Variants in DENND5B observed in about 807,000 individuals in gnomAD.
DENND5B encodes DENN domain containing 5B.
In DENND5B, 34 loss-of-function variants were observed where a neutral mutation model predicts 140.6. The ratio of observed to expected loss-of-function variants is 0.24; its 90% CI spans 0.18 to 0.32. DENND5B has a LOEUF of 0.32. DENND5B is among the 10% of genes least tolerant of loss of function. DENND5B has a pLI of 1.00. For synonymous variants in DENND5B, 551 were observed against 562.1 expected (o/e 0.98, Z 0.28); for missense variants, 1,142 against 1,560.2 (o/e 0.73, Z 4.52).
At chr12:31,476,184 A>T (rs2682691) in intron 3 of DENND5B, among the ~76,000 whole-genome samples, 1 of 147,804 alleles carries the variant, frequency 6.8e-6, no homozygotes, top group Non-Finnish European at 1.5e-5. Context: ...AAGCTTTTGG[A>T]GTTTTTTTTT....
At chr12:31,473,638 T>C (rs1477150838) in intron 3 of DENND5B, among the ~76,000 whole-genome samples, 1 of 152,154 alleles carries the variant, frequency 6.6e-6, no homozygotes, top group Non-Finnish European at 1.5e-5. Flanking sequence ...GACTACAGAC[T>C]TTCCATTTCA....
chr12:31,589,704 A>G (rs902790443), intron 1 of DENND5B, among the ~76,000 whole-genome samples: 6 of 152,002 alleles, frequency 3.9e-5, no homozygotes, highest in Non-Finnish European at 7.4e-5. Flanking sequence ...TCTTTAACAC[A>G]AAGTTCAGGC....
In DENND5B at chr12:31,460,228, C is replaced by T. The variant is rs1275683455; in HGVS notation, c.1058G>A (p.Gly353Glu). Residue 353 changes from glycine to glutamate, a missense_variant, in exon 4 of 21, where the codon GGA becomes GAA. Physicochemically the swap from Gly to Glu is moderately conservative, Grantham distance 98 (BLOSUM62 -2). This residue lies in a region of DENND5B where 708 missense variants were observed against 905.5 expected (regional missense o/e 0.78). Transcript: ENST00000389082. ...AAGTTCTAGTTTAGAACGGTCAGTT[C>T]CTTCTTTTGACTGAAGGCCCATCAG... ...PYLMGLQSKE[G>E]TDRSKLELPQ... is the part of the protein sequence containing the mutation. 1 of 1,613,682 alleles carries T rather than the reference C, an allele frequency of 6.2e-7. No individual in the cohort carries two copies. Among genetic ancestry groups the T allele is most frequent in the Non-Finnish European group, 8.5e-7 (1 of 1,179,738 alleles).
intron 4 of DENND5B, among the ~76,000 whole-genome samples, chr12:31,455,434 G>A (rs1040794530): frequency 2.6e-5 from 4 of 152,138 alleles, no homozygotes; most frequent in Admixed American, 2.6e-4. Flanking sequence ...CCAAGCTGGG[G>A]CTTTGATTAT....
At chr12:31,585,056 T>C (rs989279479) in intron 1 of DENND5B, among the ~76,000 whole-genome samples, 8 of 151,968 alleles carry the variant, frequency 5.3e-5, no homozygotes, top group African/African-American at 1.5e-4. Context: ...TGGGAACTCA[T>C]AAAGGGAGAA....
At chr12:31,550,157 G>T (rs1343347935) in intron 1 of DENND5B, among the ~76,000 whole-genome samples, 1 of 150,414 alleles carries the variant, frequency 6.6e-6, no homozygotes, top group Non-Finnish European at 1.5e-5. Flanking sequence ...CTGGTGTGCT[G>T]CACCCATTAA....
In DENND5B at chr12:31,457,184, G is replaced by A. The variant is rs926438072; in HGVS notation, c.1092+3010C>T. On this transcript the variant is annotated intron_variant, in intron 4 of 20. Coordinates refer to ENST00000389082, the MANE Select transcript of DENND5B (RefSeq NM_144973.4). ...TTTTCTCTTAACTTTTTGTCTACCAGTTACTGTGAAGATGAGTAAGAACAG... is the reference window on the plus strand; with the variant it reads ...TTTTCTCTTAACTTTTTGTCTACCAATTACTGTGAAGATGAGTAAGAACAG... Among the ~76,000 whole-genome samples the A allele has an allele frequency of 4.5e-4, 68 of 152,328 alleles. 1 individual carries two copies. Among genetic ancestry groups the A allele is most frequent in the African/African-American group, 1.6e-3 (67 of 41,582 alleles).
intron 18 of DENND5B, 47 bp from the exon 19 acceptor site, chr12:31,392,440 T>A (rs1471123827): frequency 6.2e-7 from 1 of 1,604,458 alleles, no homozygotes; most frequent in Non-Finnish European, 8.5e-7. Flanking sequence ...CCTGCATCTA[T>A]GTCTAAAAAA....
intron 1 of DENND5B, among the ~76,000 whole-genome samples, chr12:31,504,992 C>T (rs532900609): frequency 6.6e-6 from 1 of 152,312 alleles, no homozygotes; most frequent in South Asian, 2.1e-4. Flanking sequence ...CCTTGGCCTA[C>T]ATTACACTAA....
chr12:31,508,591 CAA>C (rs1222287605), intron 1 of DENND5B, among the ~76,000 whole-genome samples: 6 of 152,086 alleles, frequency 3.9e-5, no homozygotes, highest in African/African-American at 1.4e-4. Flanking sequence ...CTGTAAGAAT[CAA>C]ACAGAAGTCT....
At chr12:31,511,852 C>T (rs987823996) in intron 1 of DENND5B, among the ~76,000 whole-genome samples, 48 of 149,224 alleles carry the variant, frequency 3.2e-4, no homozygotes, top group South Asian at 2.1e-3. Context: ...GAAAATGATT[C>T]ATTTCAAAGC....
chr12:31,508,087 C>T (rs989946050), intron 1 of DENND5B, among the ~76,000 whole-genome samples: 2 of 152,098 alleles, frequency 1.3e-5, no homozygotes, highest in Non-Finnish European at 2.9e-5. Flanking sequence ...AAGAGAGCCA[C>T]GCTTTGCCTT....
rs1299419185 is a variant in DENND5B at position 31,383,302 on chromosome 12, CTCA to C, written c.*4298_*4300del. The C allele has an allele frequency of 2.6e-5, 4 of 152,088 alleles. No homozygotes were observed. Among genetic ancestry groups the C allele is most frequent in the African/African-American group, 9.7e-5 (4 of 41,438 alleles). The allele number at this position is 152,088 out of a possible 1,614,324, so 9.4% of individuals were successfully genotyped here. A position where few individuals can be genotyped will look rare whatever the true frequency, so the allele number is the denominator to read the frequency against. On this transcript the variant is annotated 3_prime_UTR_variant, in exon 21 of 21. Coordinates refer to ENST00000389082, the MANE Select transcript of DENND5B (RefSeq NM_144973.4). ...GAAATTTGAGGTCCTTGTCTGTCAC[CTCA>C]TGTTTCAAAATACCTTAGGGATGTC...
At chr12:31,423,821 C>T in intron 10 of DENND5B, 146 bp from the exon 11 acceptor site, 1 of 731,546 alleles carries the variant, frequency 1.4e-6, no homozygotes, top group Non-Finnish European at 2.3e-6. Flanking sequence ...TTCTGAGCAT[C>T]TTCTGCATGT....
rs1370719842 is a variant in DENND5B at position 31,578,195 on chromosome 12, C to T, written c.127+12511G>A. On this transcript the variant is annotated intron_variant, in intron 1 of 20. Coordinates refer to ENST00000389082, the MANE Select transcript of DENND5B (RefSeq NM_144973.4). ...TAACTCCATCACATTTTTGTTTGTT[C>T]GTCTTTAGCTCAGATCACCTTTTGG... 2.7e-5 allele frequency among the ~76,000 whole-genome samples: 4 copies of T among 146,510 alleles called. No individual in the cohort carries two copies. The East Asian group carries it at 5.9e-4, about 22-fold the overall frequency.
At chr12:31,397,594 G>A (rs911044831) in intron 17 of DENND5B, among the ~76,000 whole-genome samples, 1 of 138,696 alleles carries the variant, frequency 7.2e-6, no homozygotes, top group Non-Finnish European at 1.5e-5. Context: ...GGCTATCTGG[G>A]AGTACTGTAA....
At chr12:31,391,554 G>T (rs1286654760) in intron 19 of DENND5B, among the ~76,000 whole-genome samples, 3 of 152,164 alleles carry the variant, frequency 2.0e-5, no homozygotes, top group Admixed American at 2.0e-4. Context: ...GTTTACTAAT[G>T]TATATCTTGA....
rs572070394 is a variant in DENND5B at position 31,493,777 on chromosome 12, G to A, written c.237+2033C>T. On this transcript the variant is annotated intron_variant, in intron 2 of 20. Transcript: ENST00000389082. ...ACCCAGGAGGTGGAGGTTGCAGTGA[G>A]CCAAGATTGTGCCACTGCACTCCAG... Among the ~76,000 whole-genome samples the A allele has an allele frequency of 7.2e-5, 11 of 152,298 alleles. No individual in the cohort carries two copies. In the East Asian group the frequency reaches 1.9e-3, roughly 27 times the overall value.
At chr12:31,439,460 G>A (rs938312856) in intron 7 of DENND5B, among the ~76,000 whole-genome samples, 1 of 150,142 alleles carries the variant, frequency 6.7e-6, no homozygotes, top group African/African-American at 2.5e-5. Context: ...CTTATCATCT[G>A]ACATGTTACT....
Sources: allele counts gnomAD v4.1 joint callset (sites outside exome capture counted in the v4.1 genomes callset), GRCh38; gene constraint gnomAD v4.1.1; regional missense constraint gnomAD v4.1.1; transcripts MANE v1.5; gene names NCBI Gene and HGNC (gene_info 2026-07-23, HGNC 2026-07-21).